Variants in FAAH2 observed in about 807,000 individuals in gnomAD.
FAAH2 encodes fatty acid amide hydrolase 2, also known as fatty-acid amide hydrolase 2.
Under a neutral mutation model 36.9 loss-of-function variants are expected in FAAH2, and 60 were observed. That is an observed-to-expected ratio of 1.63 (90% confidence interval 1.32 to 2.02). The LOEUF (loss-of-function observed/expected upper bound fraction) is 2.02, where lower values mean the gene tolerates loss of function less well. Among genes scored for constraint, FAAH2 ranks in the 30% most tolerant of loss-of-function variants. The pLI is 0.00. For synonymous variants in FAAH2, 214 were observed against 143.8 expected (o/e 1.49, Z -3.49); for missense variants, 689 against 397.5 (o/e 1.73, Z -6.23).
At chrX:57,355,181 T>G (rs1369754086) in intron 5 of FAAH2, among the ~76,000 whole-genome samples, 2 of 111,257 alleles carry the variant, frequency 1.8e-5, no homozygotes, top group East Asian at 5.6e-4. Context: ...CCTCTTAGGT[T>G]AGTTCTGAAT....
the FAAH2 span, among the ~76,000 whole-genome samples, chrX:57,180,943 G>T: frequency 5.6e-4 from 63 of 111,764 alleles, 1 homozygote; most frequent in Non-Finnish European, 9.6e-4. Context: ...AATCTGCCAT[G>T]ATCAAGTCAG....
rs775536872 is a variant in FAAH2 at position 57,328,959 on chromosome X, G to A, written c.413-2639G>A. 4.5e-5 allele frequency among the ~76,000 whole-genome samples: 5 copies of A among 111,592 alleles called. No individual in the cohort carries two copies. The East Asian group carries it at 1.4e-3, about 32-fold the overall frequency. On this transcript the variant is annotated intron_variant, in intron 3 of 10. Coordinates refer to ENST00000374900, the MANE Select transcript of FAAH2 (RefSeq NM_174912.4). ...CTGAGGTCCTCCTGGACCACTAGAA[G>A]GGACAAGGTGCTGCCAGATCACTGG...
the FAAH2 span, among the ~76,000 whole-genome samples, chrX:57,149,486 G>A: frequency 2.7e-3 from 303 of 111,618 alleles, no homozygotes; most frequent in African/African-American, 9.2e-3. Context: ...TTAGTCTTGG[G>A]AGGGTGTATG....
chrX:57,375,968 A>G (rs1344843844), intron 5 of FAAH2, among the ~76,000 whole-genome samples: 1 of 111,455 alleles, frequency 9.0e-6, no homozygotes, highest in African/African-American at 3.3e-5. Flanking sequence ...GTTATGTCAA[A>G]AGTTTTTGTG....
In FAAH2 at chrX:57,420,621, C is replaced by A. The variant is rs764327960; in HGVS notation, c.997-11297C>A. On this transcript the variant is annotated intron_variant, in intron 7 of 10. Transcript: ENST00000374900. ...CTTATCAGCTTAAGGAGATTTTGGGCTGAGACAATGTGGTTTTCTAGATAT... is the reference window on the plus strand; with the variant it reads ...CTTATCAGCTTAAGGAGATTTTGGGATGAGACAATGTGGTTTTCTAGATAT... 5.5e-5 allele frequency among the ~76,000 whole-genome samples: 6 copies of A among 109,558 alleles called. No individual in the cohort carries two copies. In the East Asian group the frequency reaches 1.1e-3, roughly 21 times the overall value.
At chrX:57,349,143 T>TA (rs1261479859) in intron 5 of FAAH2, among the ~76,000 whole-genome samples, 6 of 84,849 alleles carry the variant, frequency 7.1e-5, no homozygotes, top group African/African-American at 2.3e-4. Context: ...ATATATTATA[T>TA]ACATATATAT....
chrX:57,422,736 G>A lies in FAAH2; in HGVS notation c.997-9182G>A, dbSNP rs57163776. ...GTGGCCTACAGGTGATAAAAGATTT[G>A]CAGGGAGGACACAAGGACACTCTGG... is the stretch of plus-strand genomic sequence containing the variant. On this transcript the variant is annotated intron_variant, in intron 7 of 10. Coordinates refer to ENST00000374900, the MANE Select transcript of FAAH2 (RefSeq NM_174912.4). Among the ~76,000 whole-genome samples, 631 of 111,316 alleles carry A rather than the reference G, an allele frequency of 5.7e-3. 1 individual carries two copies. Among genetic ancestry groups the A allele is most frequent in the African/African-American group, 0.02 (620 of 30,622 alleles).
chrX:57,225,752 C>G, the FAAH2 span, among the ~76,000 whole-genome samples: 2 of 108,214 alleles, frequency 1.8e-5, no homozygotes, highest in African/African-American at 7.3e-5. Context: ...AAGTCCCCCA[C>G]TATTATGATT....
the FAAH2 span, among the ~76,000 whole-genome samples, chrX:57,173,969 G>A: frequency 1.8e-5 from 2 of 111,025 alleles, no homozygotes; most frequent in African/African-American, 6.5e-5. Flanking sequence ...ATTAGGTTTG[G>A]TAGTATTTTT....
At chrX:57,280,117 T>A in the FAAH2 span, among the ~76,000 whole-genome samples, 2 of 112,034 alleles carry the variant, frequency 1.8e-5, no homozygotes, top group Non-Finnish European at 3.8e-5. Context: ...TGTGTATATG[T>A]ATATCTCATA....
intron 5 of FAAH2, among the ~76,000 whole-genome samples, chrX:57,376,150 G>A (rs2054670426): frequency 1.8e-5 from 2 of 111,109 alleles, no homozygotes; most frequent in African/African-American, 6.5e-5. Context: ...TATACAATCT[G>A]TAATAGTATC....
intron 5 of FAAH2, among the ~76,000 whole-genome samples, chrX:57,354,094 G>A (rs1371597108): frequency 2.7e-5 from 3 of 110,628 alleles, no homozygotes; most frequent in Admixed American, 9.7e-5. Flanking sequence ...CTACTGGATA[G>A]CTACCCAAAG....
chrX:57,317,580 C>A (rs1341213285), intron 3 of FAAH2, among the ~76,000 whole-genome samples: 1 of 111,327 alleles, frequency 9.0e-6, no homozygotes, highest in Non-Finnish European at 1.9e-5. Context: ...GACTTTAACA[C>A]CCCACTGTCA....
the FAAH2 span, among the ~76,000 whole-genome samples, chrX:57,264,210 A>T: frequency 7.1e-5 from 8 of 112,184 alleles, no homozygotes; most frequent in South Asian, 3.0e-3. Flanking sequence ...GGAAAAACTG[A>T]TCAATTGTAC....
the FAAH2 span, among the ~76,000 whole-genome samples, chrX:57,243,642 C>A: frequency 5.4e-5 from 6 of 111,932 alleles, no homozygotes; most frequent in Non-Finnish European, 1.1e-4. Context: ...CTCCAGCAGA[C>A]CTGCAGCAGA....
At chrX:57,412,287 T>C (rs2055718216) in intron 7 of FAAH2, among the ~76,000 whole-genome samples, 1 of 111,792 alleles carries the variant, frequency 8.9e-6, no homozygotes, top group Admixed American at 9.5e-5. Context: ...GTTTGTTACA[T>C]AGGTATACAC....
intron 8 of FAAH2, among the ~76,000 whole-genome samples, chrX:57,436,544 A>G (rs2056416069): frequency 9.0e-6 from 1 of 111,105 alleles, no homozygotes; most frequent in Admixed American, 9.6e-5. Context: ...AGAGATTACA[A>G]CAAAATCGGA....
chrX:57,487,079 G>C (rs1430244503), intron 10 of FAAH2, among the ~76,000 whole-genome samples: 1 of 110,895 alleles, frequency 9.0e-6, no homozygotes, highest in African/African-American at 3.3e-5. Context: ...GGATATCTAC[G>C]TGCAAAAGAA....
rs746609649 is a variant in FAAH2 at position 57,305,061 on chromosome X, T to TG, written c.276-5532_276-5531insG. Among the ~76,000 whole-genome samples, 21 of 26,042 alleles carry TG rather than the reference T, an allele frequency of 8.1e-4. No individual in the cohort carries two copies. In the Admixed American group the frequency reaches 0.015, roughly 18 times the overall value. The allele number at this position is 26,042 out of a possible 115,157, so 22.6% of individuals were successfully genotyped here. On this transcript the variant is annotated intron_variant, in intron 2 of 10. Transcript: ENST00000374900. ...CTTCCTTAAGGTGTGATTCTGTAATTTTGTGTGTGTGTGTGTGTGTGTATG... is the reference window on the plus strand; with the variant it reads ...CTTCCTTAAGGTGTGATTCTGTAATTGTTGTGTGTGTGTGTGTGTGTGTATG...
Sources: allele counts gnomAD v4.1 joint callset (sites outside exome capture counted in the v4.1 genomes callset), GRCh38; gene constraint gnomAD v4.1.1; transcripts MANE v1.5; gene names NCBI Gene and HGNC (gene_info 2026-07-23, HGNC 2026-07-21).